GABRB1: variants seen among roughly 807,000 people sequenced by gnomAD.
GABRB1 encodes the protein gamma-aminobutyric acid type A receptor subunit beta1, also known as gamma-aminobutyric acid receptor subunit beta-1.
GABRB1 carries 17 observed loss-of-function variants against 51.6 expected under a neutral mutation model. That is an observed-to-expected ratio of 0.33 (90% CI 0.23 to 0.49). The LOEUF is 0.49. GABRB1 is among the 20% of genes least tolerant of loss of function. GABRB1 has a pLI of 0.99. For missense variants in GABRB1, 410 were observed against 600.6 expected, an observed-to-expected ratio of 0.68 and a Z score of 3.32; for synonymous variants, 247 against 218.9, an observed-to-expected ratio of 1.13 and a Z score of -1.14.
intron 4 of GABRB1, among the ~76,000 whole-genome samples, chr4:47,303,900 G>A (rs572258428): frequency 2.6e-5 from 4 of 152,058 alleles, no homozygotes; most frequent in African/African-American, 9.6e-5. Flanking sequence ...ACATATGAGT[G>A]AAATCATGTG....
rs1204616617 is a variant in GABRB1 at position 47,206,205 on chromosome 4, TG to T, written c.461+44741del. 2.0e-5 allele frequency among the ~76,000 whole-genome samples: 3 copies of T among 152,166 alleles called. No homozygotes were observed. In the South Asian group the frequency reaches 6.2e-4, roughly 32 times the overall value. The stretch of plus-strand genomic sequence containing the variant: ...ATGAAAGAATGATTAGTTTACCAGT[TG>T]GGGGCAAGAGAATGGAGGTTAAAAT... On this transcript the variant is annotated intron_variant, in intron 4 of 8. Transcript: ENST00000295454.
chr4:47,325,382 C>T (rs1292477493), intron 5 of GABRB1, among the ~76,000 whole-genome samples: 1 of 150,328 alleles, frequency 6.7e-6, no homozygotes, highest in Non-Finnish European at 1.5e-5. Context: ...TTGCAGTGAG[C>T]TGAGATGGCA....
chr4:47,163,070 G>A (rs761200933), intron 4 of GABRB1, among the ~76,000 whole-genome samples: 12 of 151,996 alleles, frequency 7.9e-5, no homozygotes, highest in Non-Finnish European at 1.3e-4. Flanking sequence ...GAGAAAGTAT[G>A]ACATCTAGTG....
intron 4 of GABRB1, among the ~76,000 whole-genome samples, chr4:47,283,877 G>A (rs1483023711): frequency 1.3e-5 from 2 of 151,996 alleles, no homozygotes; most frequent in African/African-American, 2.4e-5. Flanking sequence ...CTGTCCTTCA[G>A]TATTTGATCA....
At chr4:47,050,815 T>C (rs1726316705) in intron 3 of GABRB1, among the ~76,000 whole-genome samples, 1 of 152,184 alleles carries the variant, frequency 6.6e-6, no homozygotes, top group South Asian at 2.1e-4. Context: ...ATTACTGATG[T>C]TTCCTCTCTT....
intron 4 of GABRB1, among the ~76,000 whole-genome samples, chr4:47,276,454 C>A (rs1011573820): frequency 6.6e-6 from 1 of 152,062 alleles, no homozygotes; most frequent in Non-Finnish European, 1.5e-5. Context: ...AACCTTGAAG[C>A]CTCTCCATCT....
chr4:47,230,686 A>G (rs145262891), intron 4 of GABRB1, among the ~76,000 whole-genome samples: 2 of 152,296 alleles, frequency 1.3e-5, no homozygotes, highest in East Asian at 3.9e-4. Context: ...ATGTGAGAAT[A>G]GTGTTCTGTT....
At chr4:47,190,038 C>A (rs1719375037) in intron 4 of GABRB1, among the ~76,000 whole-genome samples, 1 of 151,996 alleles carries the variant, frequency 6.6e-6, no homozygotes, top group Non-Finnish European at 1.5e-5. Context: ...TTCAAGCAAT[C>A]TTGGTCTTGT....
chr4:47,110,920 G>A (rs1715187787), intron 3 of GABRB1, among the ~76,000 whole-genome samples: 2 of 152,116 alleles, frequency 1.3e-5, no homozygotes, highest in African/African-American at 4.8e-5. Context: ...CTCTGAAGAA[G>A]CTGGGTAAGT....
chr4:47,153,929 C>T (rs142306803), intron 3 of GABRB1, among the ~76,000 whole-genome samples: 264 of 151,902 alleles, frequency 1.7e-3, no homozygotes, highest in Non-Finnish European at 3.1e-3. Context: ...ACTTTAGCAA[C>T]AATGGTAATA....
intron 3 of GABRB1, among the ~76,000 whole-genome samples, chr4:47,097,172 A>G (rs1185989414): frequency 6.6e-6 from 1 of 152,080 alleles, no homozygotes; most frequent in African/African-American, 2.4e-5. Flanking sequence ...GTAAAACCGA[A>G]AATCTTCCTA....
intron 4 of GABRB1, among the ~76,000 whole-genome samples, chr4:47,216,477 C>T (rs1720558739): frequency 2.0e-5 from 3 of 151,802 alleles, no homozygotes; most frequent in African/African-American, 7.2e-5. Flanking sequence ...CACTTTGAAC[C>T]CCATTTAGCA....
At chr4:47,196,017 A>G (rs963970952) in intron 4 of GABRB1, among the ~76,000 whole-genome samples, 2 of 152,230 alleles carry the variant, frequency 1.3e-5, no homozygotes, top group Non-Finnish European at 2.9e-5. Context: ...AACCATATGT[A>G]GTAGTACTGA....
intron 4 of GABRB1, among the ~76,000 whole-genome samples, chr4:47,237,334 G>A (rs1721365302): frequency 6.6e-6 from 1 of 151,918 alleles, no homozygotes; most frequent in Admixed American, 6.6e-5. Context: ...ACAAGAGATT[G>A]AGAAAAACCA....
At chr4:47,283,016 G>C (rs368493559) in intron 4 of GABRB1, among the ~76,000 whole-genome samples, 8 of 152,186 alleles carry the variant, frequency 5.3e-5, no homozygotes, top group South Asian at 2.1e-4. Flanking sequence ...GAAGGCAGTA[G>C]CTAGAACAGG....
intron 5 of GABRB1, among the ~76,000 whole-genome samples, chr4:47,353,538 C>T (rs56368320): frequency 0.2 from 31,071 of 152,070 alleles, 4,026 homozygotes; most frequent in Middle Eastern, 0.36. Flanking sequence ...CCTTTATAGG[C>T]GAAGTGATAT....
At chr4:46,998,151 G>C (rs1045979189) in intron 1 of GABRB1, among the ~76,000 whole-genome samples, 4 of 151,990 alleles carry the variant, frequency 2.6e-5, no homozygotes, top group Non-Finnish European at 5.9e-5. Flanking sequence ...TTGCCATATA[G>C]TTAATGCAGA....
intron 4 of GABRB1, among the ~76,000 whole-genome samples, chr4:47,237,678 T>C (rs1215784948): frequency 2.0e-5 from 3 of 151,996 alleles, no homozygotes; most frequent in South Asian, 2.1e-4. Context: ...TATTAGTATA[T>C]GAATGCATGA....
At position 47,052,411 on chromosome 4, in the gene GABRB1, C is replaced by T. The variant is rs181868458; in HGVS notation, c.240+19927C>T. On this transcript the variant is annotated intron_variant, in intron 3 of 8. Transcript: ENST00000295454. Reference sequence around the variant, plus strand: ...AAGGGTGAATATTATCAGTGTGATACCCACACAAACAAACACACATTCAGG... The same window carrying T: ...AAGGGTGAATATTATCAGTGTGATATCCACACAAACAAACACACATTCAGG... Among the ~76,000 whole-genome samples the T allele has an allele frequency of 4.6e-4, 70 of 152,306 alleles. 1 individual carries two copies. The East Asian group carries it at 0.01, about 22-fold the overall frequency.
Sources: gnomAD v4.1 joint callset for allele counts (sites outside exome capture counted in the v4.1 genomes callset) on GRCh38, gnomAD v4.1.1 for gene constraint, MANE v1.5 for transcripts, NCBI Gene and HGNC (gene_info 2026-07-23, HGNC 2026-07-21) for gene names.